The following SRFBP1 variants were observed in gnomAD, a reference collection of about 807,000 sequenced individuals.
SRFBP1 encodes serum response factor-binding protein 1.
SRFBP1 carries 47 observed loss-of-function variants against 45.5 expected under a neutral mutation model. The ratio of observed to expected loss-of-function variants is 1.03; its 90% CI spans 0.82 to 1.32. SRFBP1 has a LOEUF of 1.32. SRFBP1 is among the 40% of genes most tolerant of loss of function. SRFBP1 has a pLI of 0.00. For synonymous variants in SRFBP1, 203 were observed against 166.3 expected (o/e 1.22, Z -1.70); for missense variants, 621 against 484.6 (o/e 1.28, Z -2.64).
chr5:121,969,748 A>G (rs1450502231), intron 1 of SRFBP1, among the ~76,000 whole-genome samples: 3 of 151,806 alleles, frequency 2.0e-5, no homozygotes, highest in Non-Finnish European at 4.4e-5. Context: ...TGTTTGGAAG[A>G]CCCTTGGCTT....
chr5:121,997,895 GCC>G lies in SRFBP1; in HGVS notation c.270+3226_270+3227del, dbSNP rs953619649. Among the ~76,000 whole-genome samples the G allele has an allele frequency of 3.9e-4, 59 of 149,442 alleles. 1 individual carries two copies. In the East Asian group the frequency reaches 7.9e-3, roughly 20 times the overall value. On this transcript the variant is annotated intron_variant, in intron 4 of 7. Coordinates refer to ENST00000339397, the MANE Select transcript of SRFBP1 (RefSeq NM_152546.3). ...CTTCTCAAAAGAAGACATTTATGCA[GCC>G]AAAAAACACATGAAAAAATGCTCAT...
intron 2 of SRFBP1, among the ~76,000 whole-genome samples, chr5:121,975,048 A>G (rs764814101): frequency 3.3e-5 from 5 of 151,948 alleles, no homozygotes; most frequent in Admixed American, 6.6e-5. Flanking sequence ...TTATTAAGGA[A>G]CTAGAGAAGG....
intron 3 of SRFBP1, 81 bp downstream of exon 3, chr5:121,975,468 T>A (rs1202321171): frequency 1.4e-6 from 2 of 1,463,122 alleles, no homozygotes; most frequent in Non-Finnish European, 1.9e-6. Flanking sequence ...GTGGTATTGC[T>A]TATTTGAATA....
intron 2 of SRFBP1, among the ~76,000 whole-genome samples, chr5:122,037,089 G>A (rs567358626): frequency 3.9e-5 from 6 of 152,096 alleles, no homozygotes; most frequent in South Asian, 2.1e-4. Context: ...GTAGAAACAG[G>A]GTTTCTCTAT....
At position 122,001,623 on chromosome 5, in the gene SRFBP1, G is replaced by C. The variant is rs1439802888; in HGVS notation, c.270+6953G>C. 4.1e-5 allele frequency among the ~76,000 whole-genome samples: 6 copies of C among 147,002 alleles called. No individual in the cohort carries two copies. In the East Asian group the frequency reaches 1.0e-3, roughly 25 times the overall value. ...AGGCCGGACTGCGGATTGCAGTGGC[G>C]CAATCTCGGCTCACTGCAAGCTCCG... On this transcript the variant is annotated intron_variant, in intron 4 of 7. Coordinates refer to ENST00000339397, the MANE Select transcript of SRFBP1 (RefSeq NM_152546.3).
At chr5:122,037,459 C>T (rs1444834480) in intron 2 of SRFBP1, among the ~76,000 whole-genome samples, 2 of 152,108 alleles carry the variant, frequency 1.3e-5, no homozygotes, top group African/African-American at 2.4e-5. Flanking sequence ...CCATGTTTTC[C>T]TCTTGTATTT....
At position 122,064,327 on chromosome 5, in the gene SRFBP1, G is replaced by T. The variant is rs566002509; in HGVS notation, n.312-10988G>T. On this transcript the variant is annotated intron_variant and non_coding_transcript_variant, in intron 2 of 2. Coordinates refer to the SRFBP1 transcript ENST00000504881. The stretch of plus-strand genomic sequence containing the variant: ...TCAAAGTTCAAAATAGTTCAAAGAA[G>T]TTCAGTAATACAGAGTGTTAAATCA... 4 of 151,884 alleles carry T rather than the reference G, an allele frequency of 2.6e-5. No individual in the cohort carries two copies. The East Asian group carries it at 7.8e-4, about 29-fold the overall frequency. The allele number at this position is 151,884 out of a possible 1,614,324, so 9.4% of individuals were successfully genotyped here.
At chr5:122,038,036 A>G (rs770648001) in intron 2 of SRFBP1, among the ~76,000 whole-genome samples, 3 of 152,154 alleles carry the variant, frequency 2.0e-5, no homozygotes, top group Non-Finnish European at 4.4e-5. Flanking sequence ...AAAATCTCAT[A>G]TCTCCCACTC....
Position 122,075,381 on chromosome 5 carries a change from A to G in SRFBP1, n.378A>G, listed in dbSNP as rs1580565197. 7 of 1,577,806 alleles carry G rather than the reference A, an allele frequency of 4.4e-6. No individual in the cohort carries two copies. In the East Asian group the frequency reaches 1.6e-4, roughly 36 times the overall value. On this transcript the variant is annotated non_coding_transcript_exon_variant, in exon 3 of 3. Transcript: ENST00000504881. ...GAGAAATGAAAAGCAACCCAAAAGTACCCAGGAGGCCCATTTACTTACTGA... is the reference window on the plus strand; with the variant it reads ...GAGAAATGAAAAGCAACCCAAAAGTGCCCAGGAGGCCCATTTACTTACTGA...
At chr5:121,975,445 A>T in intron 3 of SRFBP1, 58 bp downstream of exon 3, 1 of 1,590,696 alleles carries the variant, frequency 6.3e-7, no homozygotes, top group East Asian at 2.2e-5. Flanking sequence ...GTTATCCTGC[A>T]TTTTGTTTGT....
chr5:121,962,405 T>G (rs1309573740), intron 1 of SRFBP1, among the ~76,000 whole-genome samples: 1 of 152,206 alleles, frequency 6.6e-6, no homozygotes. Context: ...GTAAAGTATT[T>G]GCAAGTGCCT....
intron 2 of SRFBP1, among the ~76,000 whole-genome samples, chr5:122,050,334 A>G (rs1753948094): frequency 6.6e-6 from 1 of 152,016 alleles, no homozygotes; most frequent in Admixed American, 6.6e-5. Flanking sequence ...GCTCTTCTTT[A>G]TACATCTGGT....
At chr5:121,980,717 G>C (rs1313549084) in intron 3 of SRFBP1, among the ~76,000 whole-genome samples, 1 of 152,020 alleles carries the variant, frequency 6.6e-6, no homozygotes, top group African/African-American at 2.4e-5. Flanking sequence ...TCGAATAAGT[G>C]GTTGTTTGAA....
At chr5:122,000,980 T>C (rs957729456) in intron 4 of SRFBP1, among the ~76,000 whole-genome samples, 7 of 152,198 alleles carry the variant, frequency 4.6e-5, no homozygotes, top group African/African-American at 1.4e-4. Context: ...AATAGAAAAA[T>C]TTGACATACA....
chr5:122,002,348 A>T (rs1752888244), intron 4 of SRFBP1, among the ~76,000 whole-genome samples: 1 of 152,188 alleles, frequency 6.6e-6, no homozygotes, highest in Non-Finnish European at 1.5e-5. Context: ...GATTTTCCTC[A>T]TTAATTATGA....
chr5:122,068,736 T>C (rs1383728734), intron 2 of SRFBP1, among the ~76,000 whole-genome samples: 2 of 152,052 alleles, frequency 1.3e-5, no homozygotes, highest in Admixed American at 1.3e-4. Context: ...GTATAGAGAT[T>C]AGTAGTCCTA....
chr5:122,027,119 ATGAT>A lies in SRFBP1; in HGVS notation c.1289_*2del. The stretch of plus-strand genomic sequence containing the variant: ...TTTCAGGGGAAAAAAATTACGTTTG[ATGAT>A]TGATTAGTGCCTCTTTCTGCAAACT... On this transcript the variant is annotated frameshift_variant, in exon 8 of 8. Transcript: ENST00000339397. LOFTEE classifies it high-confidence loss of function. The A allele has an allele frequency of 6.2e-7, 1 of 1,600,274 alleles. No homozygotes were observed. Among genetic ancestry groups the A allele is most frequent in the Non-Finnish European group, 8.5e-7 (1 of 1,175,544 alleles).
intron 2 of SRFBP1, among the ~76,000 whole-genome samples, chr5:122,056,461 C>T (rs947066817): frequency 6.6e-5 from 10 of 152,148 alleles, no homozygotes; most frequent in Non-Finnish European, 1.5e-4. Context: ...TCTTGAGAAA[C>T]GCATCTGGCT....
chr5:122,004,824 A>T (rs537597398), intron 4 of SRFBP1, among the ~76,000 whole-genome samples: 1 of 152,106 alleles, frequency 6.6e-6, no homozygotes, highest in African/African-American at 2.4e-5. Flanking sequence ...GCTGTGTCCC[A>T]TAAGTTTTGG....
Sources: gnomAD v4.1 joint callset for allele counts (sites outside exome capture counted in the v4.1 genomes callset) on GRCh38, gnomAD v4.1.1 for gene constraint, MANE v1.5 for transcripts, NCBI Gene and HGNC (gene_info 2026-07-23, HGNC 2026-07-21) for gene names.